UTP6: variants seen among roughly 807,000 people sequenced by gnomAD.
UTP6 encodes UTP6 small subunit processome component.
UTP6 carries 60 observed loss-of-function variants against 96.5 expected under a neutral mutation model. The ratio of observed to expected loss-of-function variants is 0.62; its 90% CI spans 0.51 to 0.77. The LOEUF is 0.77. Among genes scored for constraint, UTP6 ranks in the 30% least tolerant of loss-of-function variants. UTP6 has a pLI of 0.00. For missense variants in UTP6, 637 were observed against 706.5 expected, an observed-to-expected ratio of 0.90 and a Z score of 1.12; for synonymous variants, 215 against 240.1, an observed-to-expected ratio of 0.90 and a Z score of 0.96.
At chr17:31,900,871 A>G (rs185688663) in intron 1 of UTP6, among the ~76,000 whole-genome samples, 223 of 152,336 alleles carry the variant, frequency 1.5e-3, no homozygotes, top group African/African-American at 4.9e-3. Context: ...ACCTTAACTG[A>G]GCACTTTCTA....
chr17:31,877,796 G>A lies in UTP6; in HGVS notation c.1125+454C>T, dbSNP rs534589412. 9.9e-4 allele frequency among the ~76,000 whole-genome samples: 150 copies of A among 152,036 alleles called. 1 individual carries two copies. The highest frequency in any genetic ancestry group is 3.4e-3 in the African/African-American group (139 of 41,462). On this transcript the variant is annotated intron_variant, in intron 13 of 18. Transcript: ENST00000261708. ...AGCCCAGCCAAGATGGTGAAATCCC[G>A]TCTCTACCAAAAATACAAAAATTAG... is the stretch of plus-strand genomic sequence containing the variant.
intron 16 of UTP6, among the ~76,000 whole-genome samples, chr17:31,872,055 C>T (rs1445057509): frequency 1.3e-5 from 2 of 151,724 alleles, no homozygotes; most frequent in Non-Finnish European, 2.9e-5. Flanking sequence ...ATTAGCCGGG[C>T]GTCGTGGCAC....
chr17:31,898,539 A>T lies in UTP6; in HGVS notation c.177+1107T>A, dbSNP rs10468585. ...AAACTCCATCTCAAAAAAAAAAAAA[A>T]TTTGATGTTAAGCTCATCATTCTAG... On this transcript the variant is annotated intron_variant, in intron 2 of 18. Transcript: ENST00000261708. Among the ~76,000 whole-genome samples, 554 of 151,744 alleles carry T rather than the reference A, an allele frequency of 3.7e-3. 7 individuals carry two copies. The highest frequency in any genetic ancestry group is 0.013 in the African/African-American group (520 of 41,378).
At chr17:31,873,555 C>G in intron 15 of UTP6, 68 bp from the exon 16 acceptor site, 1 of 1,604,954 alleles carries the variant, frequency 6.2e-7, no homozygotes, top group African/African-American at 1.3e-5. Context: ...CAGATTTTCC[C>G]AGAACCACCT....
At chr17:31,882,015 TTGTGTG>T (rs147671007) in intron 10 of UTP6, among the ~76,000 whole-genome samples, 6 of 151,126 alleles carry the variant, frequency 4.0e-5, no homozygotes, top group African/African-American at 1.2e-4. Context: ...TCATTTTCGT[TTGTGTG>T]TGTGTGTGTG....
intron 11 of UTP6, 24 bp downstream of exon 11, chr17:31,880,549 A>T (rs1910764849): frequency 6.2e-7 from 1 of 1,613,596 alleles, no homozygotes; most frequent in African/African-American, 1.3e-5. Flanking sequence ...CTTCTATATC[A>T]CACCATGGTT....
intron 9 of UTP6, among the ~76,000 whole-genome samples, chr17:31,884,719 A>G (rs1349295875): frequency 9.2e-6 from 1 of 108,612 alleles, no homozygotes; most frequent in Non-Finnish European, 1.8e-5. Flanking sequence ...TTCATAAAAA[A>G]AGAACTAATT....
chr17:31,900,641 TAATA>T (rs1021905977), intron 1 of UTP6, among the ~76,000 whole-genome samples: 12 of 152,214 alleles, frequency 7.9e-5, no homozygotes, highest in Non-Finnish European at 2.9e-5. Flanking sequence ...TAAATTTTAA[TAATA>T]AATTTCTTTC....
In UTP6 at chr17:31,899,680, G is replaced by T. The variant is rs1904853913; in HGVS notation, c.143C>A (p.Thr48Asn). ...SDLEYKIQRR[T>N]LFKEDFINYV... ...ATTGATAAAGTCTTCCTTGAAAAGG[G>T]TTCTTCTCTGGATTTTGTACTCTAG... Residue 48 changes from threonine to asparagine, a missense_variant, in exon 2 of 19, where the codon ACC (threonine) becomes AAC (asparagine). Coordinates refer to ENST00000261708, the MANE Select transcript of UTP6 (RefSeq NM_018428.3). 1 of 1,606,416 alleles carries T rather than the reference G, an allele frequency of 6.2e-7. No homozygotes were observed.
Position 31,875,355 on chromosome 17 carries a change from C to T in UTP6, c.1184G>A (p.Gly395Glu). The stretch of plus-strand genomic sequence containing the variant: ...CCCAGAGTCTCTAAACAATTCAGTT[C>T]CAGCTACTGCCACTTCCAGAGCTTC... The part of the protein sequence containing the change: ...LREALEVAVA[G>E]TELFRDSGTM... The change falls in exon 14 of 19, where the codon GGA becomes GAA. Residue 395 changes from glycine (G) to glutamate (E), a missense_variant. By Grantham distance (98) the Gly-to-Glu change is moderately conservative. Coordinates refer to ENST00000261708, the MANE Select transcript of UTP6 (RefSeq NM_018428.3). 6.2e-7 allele frequency: 1 copy of T among 1,614,184 alleles called. No homozygotes were observed. The highest frequency in any genetic ancestry group is 1.3e-5 in the African/African-American group (1 of 75,062).
At chr17:31,873,776 T>C in intron 14 of UTP6, 23 bp from the exon 15 acceptor site, 1 of 1,599,862 alleles carries the variant, frequency 6.3e-7, no homozygotes, top group Non-Finnish European at 8.5e-7. Flanking sequence ...TAAAAAATGT[T>C]AGTTAGAGAA....
Position 31,880,743 on chromosome 17 carries a change from A to G in UTP6, c.797T>C (p.Leu266Pro). 6.2e-7 allele frequency: 1 copy of G among 1,614,164 alleles called. No individual in the cohort carries two copies. Among genetic ancestry groups the G allele is most frequent in the Non-Finnish European group, 8.5e-7 (1 of 1,180,008 alleles). The change falls in exon 11 of 19, where the codon CTA becomes CCA. Residue 266 changes from leucine (L) to proline (P), a missense_variant. Transcript: ENST00000261708. ...CCAAGTGAGAGGATCATCTGTGTGT[A>G]GAGCCTGAAGGCTGAAAAATACAAT... Reference protein sequence around the residue: ...QKEIYDDLQALHTDDPLTWDY... With the variant: ...QKEIYDDLQAPHTDDPLTWDY...
At chr17:31,901,303 A>T in intron 1 of UTP6, 1 of 535,414 alleles carries the variant, frequency 1.9e-6, no homozygotes, top group Non-Finnish European at 3.4e-6. Context: ...TTACAGCCCT[A>T]AGACCCGGCT....
intron 2 of UTP6, among the ~76,000 whole-genome samples, chr17:31,897,876 C>T (rs762023891): frequency 5.3e-5 from 8 of 152,276 alleles, no homozygotes; most frequent in Non-Finnish European, 1.2e-4. Context: ...TTTATTCAAA[C>T]CTTCCATGCA....
At chr17:31,881,248 G>C (rs144050983) in intron 10 of UTP6, among the ~76,000 whole-genome samples, 2 of 147,726 alleles carry the variant, frequency 1.4e-5, no homozygotes, top group East Asian at 3.9e-4. Context: ...CAATGGATCA[G>C]AATTGTCCCA....
In UTP6 at chr17:31,871,473, C is replaced by G. The variant is rs7210557; in HGVS notation, c.1496+1905G>C. Reference sequence around the variant, plus strand: ...TGTTTATAAAGAATTTTTGGCTGGGCACAGTGCCTCATACCTACAATCCCA... The same window carrying G: ...TGTTTATAAAGAATTTTTGGCTGGGGACAGTGCCTCATACCTACAATCCCA... On this transcript the variant is annotated intron_variant, in intron 16 of 18. Transcript: ENST00000261708. 4.2e-3 allele frequency among the ~76,000 whole-genome samples: 636 copies of G among 152,204 alleles called. 2 individuals carry two copies. The highest frequency in any genetic ancestry group is 0.015 in the African/African-American group (609 of 41,532).
chr17:31,899,805 A>AAAAT, intron 1 of UTP6, 75 bp from the exon 2 acceptor site: 2 of 1,109,160 alleles, frequency 1.8e-6, no homozygotes, highest in Non-Finnish European at 2.5e-6. Context: ...GAATATATTT[A>AAAAT]AAACATGTTT....
At chr17:31,885,889 C>T in intron 9 of UTP6, 91 bp downstream of exon 9, 10 of 1,149,862 alleles carry the variant, frequency 8.7e-6, no homozygotes, top group Non-Finnish European at 1.3e-5. Flanking sequence ...TATACACATT[C>T]TAATGGAAAA....
At chr17:31,899,391 G>GT (rs557618233) in intron 2 of UTP6, among the ~76,000 whole-genome samples, 134 of 152,286 alleles carry the variant, frequency 8.8e-4, no homozygotes, top group African/African-American at 3.1e-3. Flanking sequence ...TGGATCCCTT[G>GT]AGATCAGCCT....
Sources: gnomAD v4.1 joint callset for allele counts (sites outside exome capture counted in the v4.1 genomes callset) on GRCh38, gnomAD v4.1.1 for gene constraint, MANE v1.5 for transcripts, NCBI Gene and HGNC (gene_info 2026-07-23, HGNC 2026-07-21) for gene names.